Variants in ASIC2 observed in about 807,000 individuals in gnomAD.
The protein encoded by ASIC2 is acid sensing ion channel subunit 2, also known as acid-sensing ion channel 2.
Under a neutral mutation model 57.3 loss-of-function variants are expected in ASIC2, and 25 were observed. The ratio of observed to expected loss-of-function variants is 0.44; its 90% confidence interval spans 0.32 to 0.61. ASIC2 has a LOEUF of 0.61. Among genes scored for constraint, ASIC2 ranks in the 20% least tolerant of loss-of-function variants. The pLI is 0.06. For missense variants in ASIC2, 641 were observed against 738.1 expected (o/e 0.87, Z 1.52); for synonymous variants, 319 against 307.5 (o/e 1.04, Z -0.39).
intron 1 of ASIC2, chr17:33,932,741 A>AAAAAATATATATATATATATATAT (rs1555572867): frequency 1.7e-5 from 1 of 58,702 alleles, no homozygotes; most frequent in Non-Finnish European, 3.1e-5. Context: ...AAAAAAAAAA[A>AAAAAATATATATATATATATATAT]ATATATATAT....
At chr17:33,951,062 T>C (rs373018888) in intron 1 of ASIC2, among the ~76,000 whole-genome samples, 1 of 152,344 alleles carries the variant, frequency 6.6e-6, no homozygotes, top group East Asian at 1.9e-4. Flanking sequence ...ATTAGTCAAT[T>C]AATCTCTTTA....
intron 1 of ASIC2, among the ~76,000 whole-genome samples, chr17:33,160,214 A>AAAAGAAAAGAAAAG (rs1555575611): frequency 1.1e-5 from 1 of 93,464 alleles, no homozygotes; most frequent in Non-Finnish European, 2.2e-5. Flanking sequence ...GTTAAAAAAA[A>AAAAGAAAAGAAAAG]AAAAGAAAAG....
At position 33,808,958 on chromosome 17, in the gene ASIC2, A is replaced by T. The variant is rs1912342864; in HGVS notation, c.555+347020T>A. Among the ~76,000 whole-genome samples the T allele has an allele frequency of 2.0e-5, 3 of 152,326 alleles. No homozygotes were observed. In the South Asian group the frequency reaches 6.2e-4, roughly 32 times the overall value. On this transcript the variant is annotated intron_variant, in intron 1 of 9. Coordinates refer to the ASIC2 transcript ENST00000359872. ...TAAAAAATAATTTTAATTTTTCAGA[A>T]TTATTCATTCATGACTTTCTGAGTC...
chr17:33,385,567 A>T (rs910807333), intron 1 of ASIC2, among the ~76,000 whole-genome samples: 1 of 152,240 alleles, frequency 6.6e-6, no homozygotes, highest in African/African-American at 2.4e-5. Flanking sequence ...AACATGTTTT[A>T]AACTAATCTC....
intron 1 of ASIC2, among the ~76,000 whole-genome samples, chr17:33,470,130 C>G (rs752308758): frequency 6.6e-6 from 1 of 152,128 alleles, no homozygotes; most frequent in Non-Finnish European, 1.5e-5. Context: ...AAGGGATTCA[C>G]AGACCAGCTG....
intron 1 of ASIC2, among the ~76,000 whole-genome samples, chr17:33,504,514 A>G (rs1029341411): frequency 1.3e-5 from 2 of 151,968 alleles, no homozygotes; most frequent in Admixed American, 1.3e-4. Flanking sequence ...TAATTTTTAT[A>G]TTTTTAGTAG....
intron 1 of ASIC2, among the ~76,000 whole-genome samples, chr17:33,383,028 A>AAACAAAC (rs1555603857): frequency 1.3e-5 from 2 of 150,658 alleles, no homozygotes; most frequent in East Asian, 2.0e-4. Context: ...GGGAATATAA[A>AAACAAAC]AAACAAACAA....
At chr17:33,044,336 C>G (rs573455359) in intron 3 of ASIC2, among the ~76,000 whole-genome samples, 33 of 151,966 alleles carry the variant, frequency 2.2e-4, no homozygotes, top group Non-Finnish European at 3.1e-4. Flanking sequence ...CCATGCCCCC[C>G]ACCCATCCAC....
intron 1 of ASIC2, among the ~76,000 whole-genome samples, chr17:33,571,725 A>T (rs922168563): frequency 2.6e-5 from 4 of 152,262 alleles, no homozygotes; most frequent in African/African-American, 9.6e-5. Flanking sequence ...TTGATAAGAC[A>T]AAACTTGAAC....
chr17:33,503,629 C>T (rs548964112), intron 1 of ASIC2, among the ~76,000 whole-genome samples: 24 of 152,276 alleles, frequency 1.6e-4, no homozygotes, highest in African/African-American at 5.3e-4. Flanking sequence ...TCTCCTCCTC[C>T]TCCTCCAAAT....
intron 1 of ASIC2, chr17:33,794,749 C>T (rs552118848): frequency 2.0e-5 from 3 of 152,220 alleles, no homozygotes; most frequent in South Asian, 4.2e-4. Context: ...CACCACCAGA[C>T]CTGTTGATAT....
chr17:34,061,724 A>G (rs1299963906), intron 1 of ASIC2, among the ~76,000 whole-genome samples: 1 of 151,840 alleles, frequency 6.6e-6, no homozygotes, highest in Non-Finnish European at 1.5e-5. Flanking sequence ...ACGGGTAGCT[A>G]TTCTTATATC....
intron 1 of ASIC2, among the ~76,000 whole-genome samples, chr17:33,810,384 C>T (rs1248349265): frequency 1.3e-5 from 2 of 152,174 alleles, no homozygotes; most frequent in African/African-American, 4.8e-5. Context: ...TCAGGTCATA[C>T]CCAACACTAA....
At chr17:33,658,864 A>G (rs1387042401) in intron 1 of ASIC2, among the ~76,000 whole-genome samples, 2 of 152,104 alleles carry the variant, frequency 1.3e-5, no homozygotes, top group African/African-American at 4.8e-5. Context: ...TTAGCCAGCC[A>G]TGGTAGTTGG....
At chr17:34,097,999 G>A (rs1235857677) in intron 1 of ASIC2, among the ~76,000 whole-genome samples, 1 of 152,162 alleles carries the variant, frequency 6.6e-6, no homozygotes, top group African/African-American at 2.4e-5. Flanking sequence ...ATCTGATCAT[G>A]TGGAGAGCAG....
At chr17:33,854,030 C>T (rs1250505446) in intron 1 of ASIC2, among the ~76,000 whole-genome samples, 2 of 152,232 alleles carry the variant, frequency 1.3e-5, no homozygotes, top group East Asian at 3.8e-4. Flanking sequence ...TATGATTTGA[C>T]AGCTATTCTG....
chr17:33,785,971 T>C (rs1385368966), intron 1 of ASIC2, among the ~76,000 whole-genome samples: 1 of 152,222 alleles, frequency 6.6e-6, no homozygotes, highest in African/African-American at 2.4e-5. Context: ...TGCTAAGTGC[T>C]GCTGCAATGT....
chr17:33,477,063 G>A (rs2141923989), intron 1 of ASIC2, among the ~76,000 whole-genome samples: 1 of 152,038 alleles, frequency 6.6e-6, no homozygotes, highest in East Asian at 1.9e-4. Context: ...CTGTCTATCT[G>A]GCTCTATTTC....
At chr17:33,414,997 G>A (rs548108774) in intron 1 of ASIC2, among the ~76,000 whole-genome samples, 2 of 152,318 alleles carry the variant, frequency 1.3e-5, no homozygotes, top group South Asian at 4.2e-4. Context: ...CCATCTGACT[G>A]TGGTATTCAG....
Sources: gnomAD v4.1 joint callset for allele counts (sites outside exome capture counted in the v4.1 genomes callset) on GRCh38, gnomAD v4.1.1 for gene constraint, MANE v1.5 for transcripts, NCBI Gene and HGNC (gene_info 2026-07-23, HGNC 2026-07-21) for gene names.